The following BST1 variants were observed in gnomAD, a reference collection of about 807,000 sequenced individuals.
BST1 encodes the protein bone marrow stromal cell antigen 1, also known as ADP-ribosyl cyclase/cyclic ADP-ribose hydrolase 2.
In BST1, 49 loss-of-function variants were observed where a neutral mutation model predicts 40.6. The ratio of observed to expected loss-of-function variants is 1.21; its 90% CI spans 0.96 to 1.53. The LOEUF (loss-of-function observed/expected upper bound fraction) is 1.53. Ranked by LOEUF, BST1 falls within the 40% of genes most tolerant of loss-of-function variation. BST1 has a pLI of 0.00. For synonymous variants in BST1, 157 were observed against 159.3 expected, an observed-to-expected ratio of 0.99 and a Z score of 0.11; for missense variants, 423 against 395.9, an observed-to-expected ratio of 1.07 and a Z score of -0.58.
chr4:15,768,487 T>TTC, the BST1 span, among the ~76,000 whole-genome samples: 1 of 142,084 alleles, frequency 7.0e-6, no homozygotes, highest in Non-Finnish European at 1.5e-5. Flanking sequence ...TATCTTTTTT[T>TTC]TTTTTTTTTT....
the BST1 span, among the ~76,000 whole-genome samples, chr4:15,773,934 TA>T: frequency 6.6e-6 from 1 of 152,228 alleles, no homozygotes; most frequent in African/African-American, 2.4e-5. Context: ...TTACTGGTGT[TA>T]GGGGCTGAAT....
At chr4:15,713,206 CTTT>C (rs34681185) in intron 4 of BST1, among the ~76,000 whole-genome samples, 4 of 114,752 alleles carry the variant, frequency 3.5e-5, no homozygotes, top group Non-Finnish European at 5.3e-5. Context: ...ATATTTTCAT[CTTT>C]TTTTTTTTTT....
In BST1 at chr4:15,719,010, T is replaced by C. The variant is rs765162961; in HGVS notation, c.791+17T>C. ...TGATTACCGGTAGGTGGCCTATATA[T>C]CAATGTGCTCTTGTAGAGGTGGTGT... On this transcript the variant is annotated intron_variant, in intron 7 of 8. Transcript: ENST00000265016. 3.1e-6 allele frequency: 5 copies of C among 1,607,520 alleles called. No individual in the cohort carries two copies. The highest frequency in any genetic ancestry group is 4.3e-6 in the Non-Finnish European group (5 of 1,175,242).
At chr4:15,753,388 T>C in the BST1 span, among the ~76,000 whole-genome samples, 1 of 152,204 alleles carries the variant, frequency 6.6e-6, no homozygotes, top group Non-Finnish European at 1.5e-5. Context: ...ATCCATCGTA[T>C]CTGTAGCAGA....
downstream of BST1, among the ~76,000 whole-genome samples, chr4:15,742,285 G>T (rs1351672763): frequency 6.6e-6 from 1 of 152,296 alleles, no homozygotes; most frequent in East Asian, 1.9e-4. Flanking sequence ...ATTAATTACT[G>T]TGCTCCCTTG....
intron 8 of BST1, among the ~76,000 whole-genome samples, chr4:15,730,530 T>A (rs944999490): frequency 2.0e-5 from 3 of 152,234 alleles, no homozygotes; most frequent in Non-Finnish European, 4.4e-5. Context: ...TGTACCAATA[T>A]GGAAGCATGT....
downstream of BST1, among the ~76,000 whole-genome samples, chr4:15,738,570 T>C (rs1482630196): frequency 3.3e-5 from 5 of 151,990 alleles, no homozygotes; most frequent in Admixed American, 6.6e-5. Flanking sequence ...GCAAGAGAGT[T>C]TGATAAAAAA....
chr4:15,755,383 C>T, the BST1 span, among the ~76,000 whole-genome samples: 6 of 152,132 alleles, frequency 3.9e-5, no homozygotes, highest in South Asian at 2.1e-4. Context: ...TTGATCCGCC[C>T]GCCTTGGCCT....
chr4:15,750,441 CA>C, the BST1 span, among the ~76,000 whole-genome samples: 1 of 152,288 alleles, frequency 6.6e-6, no homozygotes, highest in South Asian at 2.1e-4. Context: ...CCCATCCCTT[CA>C]GGTGGAAGAC....
Position 15,722,977 on chromosome 4 carries a change from C to G in BST1, c.851+43C>G, listed in dbSNP as rs769950979. The G allele has an allele frequency of 5.1e-6, 8 of 1,571,152 alleles. No homozygotes were observed. The South Asian group carries it at 6.7e-5, about 13-fold the overall frequency. The stretch of plus-strand genomic sequence containing the variant: ...CCCAAATCGTTCTTTCCAAAGATAA[C>G]CATCTCCTTTCAGAAGTTTTCAGTT... On this transcript the variant is annotated intron_variant, in intron 8 of 8. Transcript: ENST00000265016.
In BST1 at chr4:15,707,718, G is replaced by A. The variant is rs572044281; in HGVS notation, c.451+72G>A. On this transcript the variant is annotated intron_variant, in intron 3 of 8. Coordinates refer to ENST00000265016, the MANE Select transcript of BST1 (RefSeq NM_004334.3). Reference sequence around the variant, plus strand: ...CTATGCATTACCATTTGTGCTAAATGCTTTCATATGCATTTATTTCACTTG... The same window carrying A: ...CTATGCATTACCATTTGTGCTAAATACTTTCATATGCATTTATTTCACTTG... The A allele has an allele frequency of 2.6e-6, 4 of 1,552,078 alleles. No individual in the cohort carries two copies. In the African/African-American group the frequency reaches 5.5e-5, roughly 21 times the overall value.
chr4:15,755,384 G>A, the BST1 span, among the ~76,000 whole-genome samples: 28 of 152,162 alleles, frequency 1.8e-4, no homozygotes, highest in African/African-American at 6.3e-4. Flanking sequence ...TGATCCGCCC[G>A]CCTTGGCCTC....
intron 8 of BST1, among the ~76,000 whole-genome samples, chr4:15,725,008 C>T (rs999204050): frequency 1.3e-5 from 2 of 152,128 alleles, no homozygotes; most frequent in African/African-American, 4.8e-5. Flanking sequence ...AGTAACACAG[C>T]AAAAGGAAGC....
the BST1 span, among the ~76,000 whole-genome samples, chr4:15,746,323 C>A: frequency 6.6e-6 from 1 of 152,200 alleles, no homozygotes; most frequent in Non-Finnish European, 1.5e-5. Context: ...CAAGCCCTTG[C>A]ATTACACTTG....
chr4:15,704,877 A>ATG (rs1553863043), intron 1 of BST1: 2 of 704,976 alleles, frequency 2.8e-6, no homozygotes, highest in Admixed American at 4.0e-5. Flanking sequence ...TATGTTTGTG[A>ATG]TGTCTTTCTT....
intron 6 of BST1, among the ~76,000 whole-genome samples, chr4:15,717,429 T>G (rs904977761): frequency 5.9e-5 from 9 of 152,150 alleles, no homozygotes; most frequent in East Asian, 3.9e-4. Context: ...GCTGGTGGTG[T>G]TGTGTATCTA....
downstream of BST1, among the ~76,000 whole-genome samples, chr4:15,735,554 T>C (rs1233031138): frequency 3.9e-5 from 6 of 152,286 alleles, no homozygotes; most frequent in East Asian, 9.6e-4. Flanking sequence ...GTGATATTGC[T>C]AGGGTGTGTG....
the BST1 span, among the ~76,000 whole-genome samples, chr4:15,747,903 C>T: frequency 1.3e-5 from 2 of 152,180 alleles, no homozygotes; most frequent in East Asian, 1.9e-4. Context: ...TCTCGAATTC[C>T]TGGCCTCAAG....
At chr4:15,754,842 G>A in the BST1 span, among the ~76,000 whole-genome samples, 14 of 152,028 alleles carry the variant, frequency 9.2e-5, no homozygotes, top group Non-Finnish European at 8.8e-5. Flanking sequence ...CCTCTAATTC[G>A]GATGACCACT....
Sources: gnomAD v4.1 joint callset for allele counts (sites outside exome capture counted in the v4.1 genomes callset) on GRCh38, gnomAD v4.1.1 for gene constraint, MANE v1.5 for transcripts, NCBI Gene and HGNC (gene_info 2026-07-23, HGNC 2026-07-21) for gene names.